SEMA5A: variants seen among roughly 807,000 people sequenced by gnomAD.
SEMA5A encodes the protein semaphorin-5A.
Under a neutral mutation model 135.5 loss-of-function variants are expected in SEMA5A, and 55 were observed. The observed-to-expected ratio is 0.41, with a 90% confidence interval of 0.33 to 0.51. The LOEUF (loss-of-function observed/expected upper bound fraction) is 0.51. SEMA5A is among the 20% of genes least tolerant of loss of function. The pLI is 0.37. For missense variants in SEMA5A, 1,290 were observed against 1,419.9 expected, an observed-to-expected ratio of 0.91 and a Z score of 1.47; for synonymous variants, 580 against 546.5, an observed-to-expected ratio of 1.06 and a Z score of -0.85.
intron 16 of SEMA5A, among the ~76,000 whole-genome samples, chr5:9,095,244 C>T (rs1739252660): frequency 2.6e-5 from 4 of 152,012 alleles, no homozygotes; most frequent in Admixed American, 6.5e-5. Flanking sequence ...TGAGGCCTGT[C>T]GGTGGGGGTC....
intron 1 of SEMA5A, among the ~76,000 whole-genome samples, chr5:9,507,492 T>A (rs1329860752): frequency 1.3e-5 from 2 of 152,228 alleles, no homozygotes; most frequent in African/African-American, 2.4e-5. Context: ...AGTACAGCTC[T>A]AAATGCTTAT....
At chr5:9,050,600 C>A in intron 20 of SEMA5A, 143 bp from the exon 21 acceptor site, 3 of 737,780 alleles carry the variant, frequency 4.1e-6, no homozygotes, top group Non-Finnish European at 6.2e-6. Context: ...CAGAAAAATT[C>A]TACTTGTTTC....
intron 3 of SEMA5A, among the ~76,000 whole-genome samples, chr5:9,362,571 T>C (rs1449258672): frequency 1.3e-5 from 2 of 152,190 alleles, no homozygotes; most frequent in Admixed American, 1.3e-4. Flanking sequence ...GGAAGATAGG[T>C]AGTTTTAAGT....
chr5:9,045,647 T>C (rs537671345), intron 21 of SEMA5A, among the ~76,000 whole-genome samples: 3 of 152,204 alleles, frequency 2.0e-5, no homozygotes, highest in Non-Finnish European at 4.4e-5. Flanking sequence ...ATGTTGTATT[T>C]TGAAGGTCTT....
chr5:9,443,272 A>AT (rs554901560), intron 1 of SEMA5A, among the ~76,000 whole-genome samples: 2 of 152,158 alleles, frequency 1.3e-5, no homozygotes, highest in Non-Finnish European at 2.9e-5. Flanking sequence ...CCACTCAAGA[A>AT]AACAAAGAGT....
At chr5:9,340,207 A>G (rs1753581259) in intron 3 of SEMA5A, among the ~76,000 whole-genome samples, 1 of 152,230 alleles carries the variant, frequency 6.6e-6, no homozygotes. Context: ...TTCATCATTC[A>G]GATGGGAAAC....
At chr5:9,286,105 A>G (rs972438145) in intron 5 of SEMA5A, among the ~76,000 whole-genome samples, 1 of 152,292 alleles carries the variant, frequency 6.6e-6, no homozygotes, top group African/African-American at 2.4e-5. Flanking sequence ...AGTGATATTT[A>G]TATCTTTGTA....
rs544451179 is a variant in SEMA5A, at chr5:9,286,210, A to G, written c.270+32162T>C. On this transcript the variant is annotated intron_variant, in intron 5 of 22. Transcript: ENST00000382496. ...CGATTCCATCTTTAACATTATAATA[A>G]AAAGAAACACCCGGGAGACTTCTTA... is the stretch of plus-strand genomic sequence containing the variant. Among the ~76,000 whole-genome samples, 9 of 152,302 alleles carry G rather than the reference A, an allele frequency of 5.9e-5. No homozygotes were observed. In the South Asian group the frequency reaches 1.9e-3, roughly 32 times the overall value.
intron 2 of SEMA5A, among the ~76,000 whole-genome samples, chr5:9,433,442 C>A (rs561919948): frequency 2.6e-4 from 39 of 151,784 alleles, no homozygotes; most frequent in Admixed American, 1.2e-3. Flanking sequence ...GCGGAAAAAA[C>A]AGTGACAATA....
intron 5 of SEMA5A, among the ~76,000 whole-genome samples, chr5:9,249,684 G>T (rs1348198536): frequency 6.6e-6 from 1 of 152,188 alleles, no homozygotes; most frequent in African/African-American, 2.4e-5. Flanking sequence ...AACATGCTGT[G>T]ATCTTGGGCG....
At chr5:9,221,419 C>T (rs1480902891) in intron 8 of SEMA5A, among the ~76,000 whole-genome samples, 5 of 150,112 alleles carry the variant, frequency 3.3e-5, no homozygotes, top group Non-Finnish European at 7.4e-5. Context: ...TCTCCTGCCT[C>T]AGCCTCCCGA....
chr5:9,398,840 T>G (rs1404334295), intron 2 of SEMA5A, among the ~76,000 whole-genome samples: 1 of 152,244 alleles, frequency 6.6e-6, no homozygotes, highest in Non-Finnish European at 1.5e-5. Flanking sequence ...ATCTAGAAAG[T>G]GGCTGTGCCA....
At chr5:9,431,116 T>C (rs559504090) in intron 2 of SEMA5A, among the ~76,000 whole-genome samples, 10 of 152,278 alleles carry the variant, frequency 6.6e-5, no homozygotes, top group African/African-American at 2.4e-4. Flanking sequence ...AGCTGGAATA[T>C]TGTGATTGGC....
intron 18 of SEMA5A, among the ~76,000 whole-genome samples, chr5:9,061,063 T>C (rs1314682355): frequency 1.3e-5 from 2 of 151,716 alleles, no homozygotes; most frequent in African/African-American, 4.8e-5. Flanking sequence ...TGCCATGATT[T>C]CTCCTTGGTG....
At chr5:9,270,559 CG>C (rs1749917890) in intron 5 of SEMA5A, among the ~76,000 whole-genome samples, 2 of 151,950 alleles carry the variant, frequency 1.3e-5, no homozygotes, top group African/African-American at 4.8e-5. Context: ...GTACTGAGAG[CG>C]GGGGAAAGTC....
chr5:9,434,483 T>C (rs549437236), intron 2 of SEMA5A, among the ~76,000 whole-genome samples: 1 of 152,194 alleles, frequency 6.6e-6, no homozygotes, highest in East Asian at 1.9e-4. Flanking sequence ...ACTGACCACA[T>C]GGATGATAAA....
chr5:9,471,181 A>G (rs889715609), intron 1 of SEMA5A, among the ~76,000 whole-genome samples: 1 of 152,162 alleles, frequency 6.6e-6, no homozygotes, highest in Admixed American at 6.6e-5. Flanking sequence ...TCACATCCGT[A>G]TATCACACAC....
rs376699908 is a variant in SEMA5A, at chr5:9,388,975, T to A, written c.-77-8952A>T. ...CTTTCGTCCACTGCAAGATGTGGAG[T>A]CTATGCCAACACAGAAAAGCAATGC... On this transcript the variant is annotated intron_variant, in intron 2 of 22. Coordinates refer to ENST00000382496, the MANE Select transcript of SEMA5A (RefSeq NM_003966.3). 3.3e-5 allele frequency among the ~76,000 whole-genome samples: 5 copies of A among 150,682 alleles called. No homozygotes were observed. The South Asian group carries it at 6.3e-4, about 19-fold the overall frequency.
intron 2 of SEMA5A, among the ~76,000 whole-genome samples, chr5:9,396,157 T>C (rs1756387353): frequency 6.6e-6 from 1 of 152,102 alleles, no homozygotes; most frequent in African/African-American, 2.4e-5. Flanking sequence ...AGTACTTTAA[T>C]GACTGTGAGT....
Sources: allele counts gnomAD v4.1 joint callset (sites outside exome capture counted in the v4.1 genomes callset), GRCh38; gene constraint gnomAD v4.1.1; transcripts MANE v1.5; gene names NCBI Gene and HGNC (gene_info 2026-07-23, HGNC 2026-07-21).